SUGCT: variants seen among roughly 807,000 people sequenced by gnomAD.
SUGCT encodes succinyl-CoA:glutarate-CoA transferase, also known as succinyl-CoA:glutarate CoA-transferase.
In SUGCT, 41 loss-of-function variants were observed where a neutral mutation model predicts 55.0. The observed-to-expected ratio is 0.74, with a 90% CI of 0.58 to 0.97. SUGCT has a LOEUF of 0.97. SUGCT is among the 50% of genes least tolerant of loss of function. SUGCT has a pLI of 0.00. For synonymous variants in SUGCT, 187 were observed against 200.4 expected (o/e 0.93, Z 0.56); for missense variants, 568 against 547.8 (o/e 1.04, Z -0.37).
chr7:40,314,538 C>T (rs1443022021), intron 8 of SUGCT, among the ~76,000 whole-genome samples: 5 of 144,644 alleles, frequency 3.5e-5, no homozygotes, highest in Non-Finnish European at 6.1e-5. Flanking sequence ...AGGGAAATAA[C>T]TCCTATTGCA....
At chr7:40,780,949 A>C (rs1341301433) in intron 13 of SUGCT, among the ~76,000 whole-genome samples, 1 of 152,108 alleles carries the variant, frequency 6.6e-6, no homozygotes, top group African/African-American at 2.4e-5. Flanking sequence ...CCAATGACAA[A>C]GTTTACCAAA....
the SUGCT span, among the ~76,000 whole-genome samples, chr7:41,035,848 G>A: frequency 6.6e-6 from 1 of 152,244 alleles, no homozygotes; most frequent in East Asian, 1.9e-4. Context: ...TCACCTCACA[G>A]GAACCCCCAG....
Position 40,316,772 on chromosome 7 carries a change from T to C in SUGCT, c.733T>C (p.Ser245Pro), listed in dbSNP as rs779940170. The C allele has an allele frequency of 5.1e-5, 82 of 1,597,760 alleles. No homozygotes were observed. The highest frequency in any genetic ancestry group is 2.5e-5 in the Non-Finnish European group (29 of 1,171,056). ...NLLSSQVACL[S>P]HIAANYLIGQ... The stretch of plus-strand genomic sequence containing the variant: ...TTTTTCCTGGTAGGTGGCGTGTTTG[T>C]CTCACATAGCTGCAAATTATCTTAT... Residue 245 changes from serine (S) to proline (P), a missense_variant, in exon 9 of 14, where the codon TCT (serine) becomes CCT (proline). Physicochemically the swap from Ser to Pro is moderately conservative, Grantham distance 74 (BLOSUM62 -1). Transcript: ENST00000335693.
intron 12 of SUGCT, among the ~76,000 whole-genome samples, chr7:40,581,232 T>C (rs1365385980): frequency 6.6e-6 from 1 of 152,124 alleles, no homozygotes; most frequent in Non-Finnish European, 1.5e-5. Context: ...CTTGTGGAGG[T>C]AGGAAATTAA....
intron 7 of SUGCT, among the ~76,000 whole-genome samples, chr7:40,248,785 C>T (rs10262201): frequency 0.39 from 59,062 of 151,782 alleles, 12,177 homozygotes; most frequent in East Asian, 0.5. Context: ...CCATTTTATA[C>T]TCCTGTCAGC....
chr7:40,617,473 A>ATGTGTGTGTGTG (rs1437309315), intron 12 of SUGCT, among the ~76,000 whole-genome samples: 2 of 133,402 alleles, frequency 1.5e-5, no homozygotes, highest in African/African-American at 6.4e-5. Flanking sequence ...GGTTAGATTT[A>ATGTGTGTGTGTG]TATGTGTGTG....
At chr7:40,289,979 C>G (rs2151044865) in intron 8 of SUGCT, among the ~76,000 whole-genome samples, 1 of 152,252 alleles carries the variant, frequency 6.6e-6, no homozygotes, top group Admixed American at 6.5e-5. Flanking sequence ...AGGAGAACTA[C>G]AAACCACTGC....
chr7:40,538,245 T>C (rs1307366486), intron 12 of SUGCT: 3 of 152,188 alleles, frequency 2.0e-5, no homozygotes, highest in Non-Finnish European at 4.4e-5. Flanking sequence ...GTAATGAACA[T>C]ATTCATCCCC....
intron 6 of SUGCT, among the ~76,000 whole-genome samples, chr7:40,215,539 A>G (rs868770870): frequency 2.0e-5 from 3 of 152,148 alleles, no homozygotes; most frequent in African/African-American, 7.2e-5. Flanking sequence ...TTTACTTCTT[A>G]TCAAATACAA....
chr7:40,604,389 C>T (rs1205790094), intron 12 of SUGCT, among the ~76,000 whole-genome samples: 2 of 152,086 alleles, frequency 1.3e-5, no homozygotes, highest in Non-Finnish European at 2.9e-5. Context: ...AGATCACTGG[C>T]CCTTCCTCTT....
At chr7:40,563,452 T>C (rs1795952813) in intron 12 of SUGCT, among the ~76,000 whole-genome samples, 1 of 151,780 alleles carries the variant, frequency 6.6e-6, no homozygotes, top group Non-Finnish European at 1.5e-5. Flanking sequence ...ATGCCTGTAA[T>C]CCCAGCACTT....
chr7:40,143,525 A>G (rs1013455444), intron 1 of SUGCT, among the ~76,000 whole-genome samples: 1 of 152,236 alleles, frequency 6.6e-6, no homozygotes, highest in African/African-American at 2.4e-5. Context: ...CCCTAGTGGA[A>G]AGGGGACAGT....
At chr7:40,668,741 A>G (rs1034446370) in intron 12 of SUGCT, among the ~76,000 whole-genome samples, 3 of 152,208 alleles carry the variant, frequency 2.0e-5, no homozygotes, top group Non-Finnish European at 4.4e-5. Flanking sequence ...TAGGCCATGG[A>G]CAATGAAAGC....
At chr7:40,789,561 A>C (rs1437123412) in intron 13 of SUGCT, among the ~76,000 whole-genome samples, 1 of 152,116 alleles carries the variant, frequency 6.6e-6, no homozygotes, top group Non-Finnish European at 1.5e-5. Flanking sequence ...CTTAGTTACT[A>C]TGCATAGTGC....
intron 9 of SUGCT, among the ~76,000 whole-genome samples, chr7:40,425,064 G>A (rs942208612): frequency 3.3e-5 from 5 of 152,092 alleles, no homozygotes; most frequent in Non-Finnish European, 7.4e-5. Context: ...AACTCATGTA[G>A]TTGAACATTT....
At chr7:40,260,153 A>T (rs1455549100) in intron 7 of SUGCT, among the ~76,000 whole-genome samples, 1 of 152,202 alleles carries the variant, frequency 6.6e-6, no homozygotes, top group African/African-American at 2.4e-5. Flanking sequence ...CAGGACTTCT[A>T]TCCATCCTTT....
At chr7:40,746,432 A>G (rs1787735291) in intron 12 of SUGCT, among the ~76,000 whole-genome samples, 1 of 152,182 alleles carries the variant, frequency 6.6e-6, no homozygotes, top group Non-Finnish European at 1.5e-5. Flanking sequence ...GCAGGGGAAT[A>G]CATCAGTTCC....
At chr7:40,170,257 C>A (rs192066719) in intron 1 of SUGCT, among the ~76,000 whole-genome samples, 2 of 152,146 alleles carry the variant, frequency 1.3e-5, no homozygotes, top group Non-Finnish European at 2.9e-5. Flanking sequence ...GCAGTTACGG[C>A]GGCACTTCTC....
Position 40,298,292 on chromosome 7 carries a change from T to C in SUGCT, c.721-18468T>C, listed in dbSNP as rs78262595. 6.0e-3 allele frequency among the ~76,000 whole-genome samples: 917 copies of C among 152,208 alleles called. 7 individuals are homozygous for C. Among genetic ancestry groups the C allele is most frequent in the African/African-American group, 0.021 (877 of 41,532 alleles). On this transcript the variant is annotated intron_variant, in intron 8 of 13. Transcript: ENST00000335693. ...AAGGAAGACAGATTTTTTAAAGTGG[T>C]GCATTGGGATAGAGACTTCTTATAG... is the stretch of plus-strand genomic sequence containing the variant.
Sources: gnomAD v4.1 joint callset for allele counts (sites outside exome capture counted in the v4.1 genomes callset) on GRCh38, gnomAD v4.1.1 for gene constraint, MANE v1.5 for transcripts, NCBI Gene and HGNC (gene_info 2026-07-23, HGNC 2026-07-21) for gene names.